Variants in ACTN1 observed in about 807,000 individuals in gnomAD.
The protein encoded by ACTN1 is actinin alpha 1.
ACTN1 carries 30 observed loss-of-function variants against 119.6 expected under a neutral mutation model. The observed-to-expected ratio is 0.25, with a 90% CI of 0.19 to 0.34. ACTN1 has a LOEUF of 0.34. Ranked by LOEUF, ACTN1 falls within the 10% of genes least tolerant of loss-of-function variation. ACTN1 has a pLI of 1.00. For missense variants in ACTN1, 764 were observed against 1,223.4 expected, an observed-to-expected ratio of 0.62 and a Z score of 5.60; for synonymous variants, 429 against 472.6, an observed-to-expected ratio of 0.91 and a Z score of 1.20.
In ACTN1 at chr14:68,881,936, C is replaced by CTTTTTTTTTTTTTTTTTTTTTTT. The variant is rs781067137; in HGVS notation, c.1953+521_1953+522insAAAAAAAAAAAAAAAAAAAAAAA. 3.4e-4 allele frequency among the ~76,000 whole-genome samples: 20 copies of CTTTTTTTTTTTTTTTTTTTTTTT among 58,398 alleles called. 2 individuals carry two copies. Among genetic ancestry groups the CTTTTTTTTTTTTTTTTTTTTTTT allele is most frequent in the African/African-American group, 7.3e-4 (7 of 9,526 alleles). 38.3% of individuals were successfully genotyped at this position (58,398 alleles called of 152,430 possible). ...AGTATGGGACTTTCATAGGCAGCTTCTTTTTTTTTTTTTTTTTTTGACAGA... is the reference window on the plus strand; with the variant it reads ...AGTATGGGACTTTCATAGGCAGCTTCTTTTTTTTTTTTTTTTTTTTTTTTTTTTTTTTTTTTTTTTTTGACAGA... On this transcript the variant is annotated intron_variant, in intron 16 of 21. Transcript: ENST00000394419.
intron 1 of ACTN1, among the ~76,000 whole-genome samples, chr14:68,972,701 G>A (rs1396705610): frequency 6.6e-6 from 1 of 152,220 alleles, no homozygotes; most frequent in Non-Finnish European, 1.5e-5. Flanking sequence ...GAGCAAAGTT[G>A]AGAAGGAGTG....
At chr14:68,919,546 T>C (rs1200076294) in intron 3 of ACTN1, among the ~76,000 whole-genome samples, 2 of 152,240 alleles carry the variant, frequency 1.3e-5, no homozygotes, top group African/African-American at 2.4e-5. Context: ...CCTTTTAACA[T>C]GTATTGAGCA....
intron 9 of ACTN1, among the ~76,000 whole-genome samples, chr14:68,893,219 G>A (rs571390517): frequency 6.6e-6 from 1 of 152,244 alleles, no homozygotes; most frequent in African/African-American, 2.4e-5. Flanking sequence ...TGAACAGTAG[G>A]GGACAGCCGC....
In ACTN1 at chr14:68,878,547, A is replaced by G. The variant is rs778891523; in HGVS notation, c.2362-24T>C. 1.9e-6 allele frequency: 3 copies of G among 1,612,310 alleles called. No homozygotes were observed. Among genetic ancestry groups the G allele is most frequent in the South Asian group, 2.2e-5 (2 of 90,892 alleles). ...TTCTGTGGGGGGCAGTGGTACCAAG[A>G]CACAAGGAGGGTCGGGAAGGCAGGA... On this transcript the variant is annotated intron_variant, in intron 19 of 21. Transcript: ENST00000394419. The surrounding 1 kb of genome is among the most constrained non-coding windows in gnomAD (Gnocchi z 4.4).
rs552728335 is a variant in ACTN1, at chr14:68,902,615, C to G, written c.677-53G>C. On this transcript the variant is annotated intron_variant, in intron 7 of 21. Coordinates refer to ENST00000394419, the MANE Select transcript of ACTN1 (RefSeq NM_001130004.2). ...CAGCTGGTTCCAAGAACACCATACA[C>G]CCCCGACGTGAGGCAGAAAGAAGCT... 1.0e-5 allele frequency: 15 copies of G among 1,486,102 alleles called. No homozygotes were observed. In the African/African-American group the frequency reaches 1.5e-4, roughly 15 times the overall value. 92.1% of individuals were successfully genotyped at this position (1,486,102 alleles called of 1,614,324 possible).
chr14:68,971,535 G>C (rs2036884205), intron 1 of ACTN1, among the ~76,000 whole-genome samples: 2 of 152,170 alleles, frequency 1.3e-5, no homozygotes, highest in Admixed American at 6.5e-5. Flanking sequence ...TCATTTCCAG[G>C]CCTCTCTCGC....
chr14:68,947,255 G>A (rs1594858185), intron 1 of ACTN1: 1 of 152,334 alleles, frequency 6.6e-6, no homozygotes, highest in Non-Finnish European at 1.5e-5. Flanking sequence ...CTACAGAAAT[G>A]TATATAGGAA....
At chr14:68,893,043 AG>A (rs1487017230) in intron 9 of ACTN1, among the ~76,000 whole-genome samples, 3 of 152,164 alleles carry the variant, frequency 2.0e-5, no homozygotes, top group Admixed American at 1.3e-4. Flanking sequence ...ATTTAAACCC[AG>A]GCACTTGGGC....
rs776400043 is a variant in ACTN1 at position 68,880,051 on chromosome 14, C to T, written c.2191G>A (p.Val731Ile). The change falls in exon 18 of 22, where the codon GTA becomes ATA. Residue 731 changes from valine to isoleucine, a missense_variant. Coordinates refer to ENST00000394419, the MANE Select transcript of ACTN1 (RefSeq NM_001130004.2). This position sits in a 1 kb window ranked among gnomAD's most constrained non-coding sequence, Gnocchi z 4.6. ...LTTIARTINE[V>I]ENQILTRDAK... ...TCCCGGGTCAGGATCTGGTTCTCTA[C>T]CTCATTGATGGTCCTGGCGATGGTG... is the stretch of plus-strand genomic sequence containing the variant. 9 of 1,614,104 alleles carry T rather than the reference C, an allele frequency of 5.6e-6. No homozygotes were observed. The highest frequency in any genetic ancestry group is 7.6e-6 in the Non-Finnish European group (9 of 1,180,026).
At chr14:68,933,481 T>C (rs1049223381) in intron 1 of ACTN1, among the ~76,000 whole-genome samples, 3 of 152,142 alleles carry the variant, frequency 2.0e-5, no homozygotes, top group African/African-American at 7.2e-5. Context: ...GTGGCCCTCT[T>C]GGGCTATCCT....
intron 4 of ACTN1, among the ~76,000 whole-genome samples, chr14:68,911,109 C>A (rs2033982481): frequency 6.6e-6 from 1 of 152,212 alleles, no homozygotes; most frequent in Non-Finnish European, 1.5e-5. Flanking sequence ...ATTTTCAACA[C>A]ACAAAATGGA....
In ACTN1 at chr14:68,880,247, G is replaced by T; in HGVS notation, c.2134-139C>A. ...TTCTGTGTGGCTGAGTGTCACCAGA[G>T]GAAGGGGAACCAGGACAAGGACAAC... On this transcript the variant is annotated intron_variant, in intron 17 of 21. Transcript: ENST00000394419. This position sits in a 1 kb window ranked among gnomAD's most constrained non-coding sequence, Gnocchi z 4.6. 9.4e-7 allele frequency: 1 copy of T among 1,059,950 alleles called. No homozygotes were observed. Among genetic ancestry groups the T allele is most frequent in the Non-Finnish European group, 1.3e-6 (1 of 748,318 alleles). The allele number at this position is 1,059,950 out of a possible 1,614,324, so 65.7% of individuals were successfully genotyped here. A position where few individuals can be genotyped will look rare whatever the true frequency, so the allele number is the denominator to read the frequency against.
In ACTN1 at chr14:68,885,791, C is replaced by T. The variant is rs1566598108; in HGVS notation, c.1235-216G>A. ...AAAAGCACTCTCCTCAGAGCACTTC[C>T]AAGGCCATGAAAGTGTCTACGCAGG... On this transcript the variant is annotated intron_variant, in intron 11 of 21. Coordinates refer to ENST00000394419, the MANE Select transcript of ACTN1 (RefSeq NM_001130004.2). The surrounding 1 kb of genome is among the most constrained non-coding windows in gnomAD (Gnocchi z 5.6). The T allele has an allele frequency of 3.5e-6, 2 of 576,256 alleles. No individual in the cohort carries two copies. The highest frequency in any genetic ancestry group is 6.2e-6 in the Non-Finnish European group (2 of 324,922). The allele number at this position is 576,256 out of a possible 1,614,324, so 35.7% of individuals were successfully genotyped here. A position where few individuals can be genotyped will look rare whatever the true frequency, so the allele number is the denominator to read the frequency against.
intron 1 of ACTN1, among the ~76,000 whole-genome samples, chr14:68,942,658 G>C (rs1375323153): frequency 2.0e-5 from 3 of 152,178 alleles, no homozygotes; most frequent in African/African-American, 7.2e-5. Context: ...AATGTTGGTG[G>C]GGTTGAGGGA....
chr14:68,973,535 A>C (rs1490409980), intron 1 of ACTN1, among the ~76,000 whole-genome samples: 3 of 152,180 alleles, frequency 2.0e-5, no homozygotes, highest in African/African-American at 4.8e-5. Flanking sequence ...ACTGTGAGTC[A>C]ATTAAACTTC....
chr14:68,884,702 A>G (rs1259281634), intron 13 of ACTN1, 73 bp downstream of exon 13: 1 of 1,283,242 alleles, frequency 7.8e-7, no homozygotes, highest in Non-Finnish European at 1.1e-6. Context: ...CAAAGCAAAG[A>G]GAGTCAAGAA....
intron 1 of ACTN1, among the ~76,000 whole-genome samples, chr14:68,936,016 G>A (rs1466108760): frequency 3.9e-5 from 6 of 152,194 alleles, no homozygotes; most frequent in East Asian, 1.9e-4. Flanking sequence ...TCAGCCAGGC[G>A]TGTGACCTCA....
chr14:68,887,372 A>C, intron 11 of ACTN1: 3 of 403,796 alleles, frequency 7.4e-6, no homozygotes, highest in Non-Finnish European at 1.2e-5. Flanking sequence ...TTTAGGAAAC[A>C]ATTCTACTAA....
At chr14:68,931,375 GATC>G (rs760773969) in intron 1 of ACTN1, among the ~76,000 whole-genome samples, 6 of 152,228 alleles carry the variant, frequency 3.9e-5, no homozygotes, top group Non-Finnish European at 7.3e-5. Context: ...AGGCAAGAGA[GATC>G]ATTACAGATG....
Sources: gnomAD v4.1 joint callset for allele counts (sites outside exome capture counted in the v4.1 genomes callset) on GRCh38, gnomAD v4.1.1 for gene constraint, Gnocchi (gnomAD v3.1) non-coding constraint, MANE v1.5 for transcripts, NCBI Gene and HGNC (gene_info 2026-07-23, HGNC 2026-07-21) for gene names.